Variants in NADK2 observed in about 807,000 individuals in gnomAD.
NADK2 encodes the protein NAD kinase domain-containing protein 1, mitochondrial.
A neutral mutation model predicts 62.1 loss-of-function variants in NADK2; 35 were observed. The ratio of observed to expected loss-of-function variants is 0.56; its 90% CI spans 0.43 to 0.75. The LOEUF (loss-of-function observed/expected upper bound fraction) is 0.75, where lower values mean the gene tolerates loss of function less well. Among genes scored for constraint, NADK2 ranks in the 30% least tolerant of loss-of-function variants. The pLI, the probability that NADK2 is intolerant of heterozygous loss-of-function variation, is 0.00. For missense variants in NADK2, 439 were observed against 561.3 expected (o/e 0.78, Z 2.20); for synonymous variants, 205 against 207.9 (o/e 0.99, Z 0.12).
chr5:36,206,671 T>C (rs184507403), intron 8 of NADK2, among the ~76,000 whole-genome samples: 95 of 152,216 alleles, frequency 6.2e-4, no homozygotes, highest in Non-Finnish European at 1.5e-4. Flanking sequence ...ATCTGGCATG[T>C]AATTTTAGAA....
In NADK2 at chr5:36,200,038, T is replaced by A. The variant is rs117569292; in HGVS notation, c.1066+189A>T. 9.2e-5 allele frequency among the ~76,000 whole-genome samples: 14 copies of A among 152,150 alleles called. No individual in the cohort carries two copies. In the East Asian group the frequency reaches 2.1e-3, roughly 23 times the overall value. On this transcript the variant is annotated intron_variant, in intron 10 of 11. Coordinates refer to ENST00000381937, the MANE Select transcript of NADK2 (RefSeq NM_001085411.3). The stretch of plus-strand genomic sequence containing the variant: ...TTGACTTAAGAGTTATATTTCAGGG[T>A]TGACTAAAAATCACAACAAAAGTCC...
chr5:36,224,705 G>T (rs1295216777), intron 4 of NADK2, among the ~76,000 whole-genome samples: 1 of 152,120 alleles, frequency 6.6e-6, no homozygotes, highest in African/African-American at 2.4e-5. Context: ...TAAGGCTGCT[G>T]TTAAGGTAGA....
At chr5:36,207,348 T>G in intron 7 of NADK2, 83 bp from the exon 8 acceptor site, 2 of 1,016,568 alleles carry the variant, frequency 2.0e-6, no homozygotes, top group Non-Finnish European at 3.0e-6. Context: ...TAAGGAAATC[T>G]TAAGTAAGTC....
rs545140177 is a variant in NADK2 at position 36,208,739 on chromosome 5, A to G, written c.861-1474T>C. ...AAGAAAACAAAATTGGGCCTTTAAA[A>G]TGTTCTTAAATCTAAGAACATTATA... On this transcript the variant is annotated intron_variant, in intron 7 of 11. Transcript: ENST00000381937. 60 of 1,150,276 alleles carry G rather than the reference A, an allele frequency of 5.2e-5. No homozygotes were observed. The South Asian group carries it at 8.3e-4, about 16-fold the overall frequency. The allele number at this position is 1,150,276 out of a possible 1,614,324, so 71.3% of individuals were successfully genotyped here.
intron 6 of NADK2, among the ~76,000 whole-genome samples, chr5:36,217,026 T>TG (rs1747070041): frequency 6.6e-6 from 1 of 152,032 alleles, no homozygotes; most frequent in Admixed American, 6.6e-5. Flanking sequence ...AACTCTGGAA[T>TG]AAGGGGATAT....
At chr5:36,204,958 G>A (rs938668006) in intron 8 of NADK2, among the ~76,000 whole-genome samples, 2 of 151,928 alleles carry the variant, frequency 1.3e-5, no homozygotes, top group African/African-American at 2.4e-5. Context: ...AATAGTTTAA[G>A]AAGTCATGTT....
chr5:36,197,811 C>T, intron 10 of NADK2, 147 bp from the exon 11 acceptor site: 1 of 589,244 alleles, frequency 1.7e-6, no homozygotes, highest in Non-Finnish European at 2.7e-6. Flanking sequence ...ACACATATTC[C>T]ATTAAAACAC....
At chr5:36,206,218 A>G (rs896092081) in intron 8 of NADK2, among the ~76,000 whole-genome samples, 1 of 151,934 alleles carries the variant, frequency 6.6e-6, no homozygotes, top group African/African-American at 2.4e-5. Context: ...GATGCAGCAA[A>G]CCAACATGGC....
rs575293474 is a variant in NADK2 at position 36,205,846 on chromosome 5, A to G, written c.956+1324T>C. Among the ~76,000 whole-genome samples the G allele has an allele frequency of 2.1e-4, 32 of 152,314 alleles. No homozygotes were observed. The highest frequency in any genetic ancestry group is 6.8e-3 in the Middle Eastern group (2 of 294). On this transcript the variant is annotated intron_variant, in intron 8 of 11. Coordinates refer to ENST00000381937, the MANE Select transcript of NADK2 (RefSeq NM_001085411.3). The surrounding 1 kb of genome is among the most constrained non-coding windows in gnomAD (Gnocchi z 4.1). ...CTACTATAAAGACACATGCACATGT[A>G]TATTTATTGTGGCACTATTCACAAT...
At chr5:36,225,375 C>A (rs1399280479) in intron 4 of NADK2, among the ~76,000 whole-genome samples, 167 bp downstream of exon 4, 1 of 151,848 alleles carries the variant, frequency 6.6e-6, no homozygotes, top group East Asian at 1.9e-4. Context: ...CAACAGAGCC[C>A]AAGAATGTGA....
At chr5:36,236,748 A>C (rs1219641273) in intron 1 of NADK2, among the ~76,000 whole-genome samples, 2 of 152,064 alleles carry the variant, frequency 1.3e-5, no homozygotes, top group Admixed American at 1.3e-4. Context: ...GAAAATAATC[A>C]CAGATAAGTA....
At chr5:36,229,043 C>T (rs1747605845) in intron 1 of NADK2, among the ~76,000 whole-genome samples, 1 of 152,084 alleles carries the variant, frequency 6.6e-6, no homozygotes, top group Non-Finnish European at 1.5e-5. Flanking sequence ...AAAGAAAACA[C>T]TAACAATATG....
chr5:36,217,806 C>T lies in NADK2; in HGVS notation c.723G>A (p.Gln241=), dbSNP rs1747103953. The T allele has an allele frequency of 3.1e-6, 5 of 1,613,986 alleles. No individual in the cohort carries two copies. In the South Asian group the frequency reaches 5.5e-5, roughly 18 times the overall value. ...INPVPVDLHE[Q]QLSLNQHNRA... ...TATTGTGCTGATTCAAGCTTAGCTGCTGCTCGTGAAGGTCCACAGGTACAG... is the reference window on the plus strand; with the variant it reads ...TATTGTGCTGATTCAAGCTTAGCTGTTGCTCGTGAAGGTCCACAGGTACAG... Residue 241 remains glutamine, a synonymous_variant, in exon 6 of 12, where the codon CAG becomes CAA. Coordinates refer to ENST00000381937, the MANE Select transcript of NADK2 (RefSeq NM_001085411.3).
At chr5:36,212,488 G>C (rs1375172117) in intron 6 of NADK2, among the ~76,000 whole-genome samples, 3 of 152,112 alleles carry the variant, frequency 2.0e-5, no homozygotes, top group Admixed American at 6.5e-5. Flanking sequence ...TGTGTGCACA[G>C]TTAAAGTAAT....
intron 5 of NADK2, 112 bp from the exon 6 acceptor site, chr5:36,217,996 TC>T: frequency 1.1e-6 from 1 of 927,748 alleles, no homozygotes; most frequent in Non-Finnish European, 1.6e-6. Context: ...TACCAGTTAT[TC>T]CATGAATAAA....
chr5:36,232,955 T>C (rs1747759502), intron 1 of NADK2, among the ~76,000 whole-genome samples: 1 of 152,106 alleles, frequency 6.6e-6, no homozygotes. Flanking sequence ...GATTATATAC[T>C]CCCCCTCAAA....
intron 6 of NADK2, chr5:36,213,055 A>C (rs1000113633): frequency 6.6e-6 from 1 of 152,280 alleles, no homozygotes; most frequent in South Asian, 2.1e-4. Context: ...CTTTGGAGAG[A>C]CCAACATGGT....
chr5:36,198,718 T>C (rs1260338040), intron 10 of NADK2, among the ~76,000 whole-genome samples: 1 of 148,630 alleles, frequency 6.7e-6, no homozygotes, highest in Non-Finnish European at 1.5e-5. Flanking sequence ...GCAATTACTA[T>C]ATATACCTAA....
At chr5:36,199,850 A>C (rs1198384894) in intron 10 of NADK2, among the ~76,000 whole-genome samples, 2 of 152,070 alleles carry the variant, frequency 1.3e-5, no homozygotes, top group Non-Finnish European at 2.9e-5. Context: ...GTTAAAAAGA[A>C]TATTTGAGTG....
Sources: allele counts gnomAD v4.1 joint callset (sites outside exome capture counted in the v4.1 genomes callset), GRCh38; gene constraint gnomAD v4.1.1; non-coding constraint Gnocchi (gnomAD v3.1); transcripts MANE v1.5; gene names NCBI Gene and HGNC (gene_info 2026-07-23, HGNC 2026-07-21).